The following KCNT2 variants were observed in gnomAD, a reference collection of about 807,000 sequenced individuals.
KCNT2 encodes potassium sodium-activated channel subfamily T member 2, also known as potassium channel subfamily T member 2.
KCNT2 carries 67 observed loss-of-function variants against 153.8 expected under a neutral mutation model. That is an observed-to-expected ratio of 0.44 (90% CI 0.36 to 0.53). The LOEUF is 0.53. Among genes scored for constraint, KCNT2 ranks in the 20% least tolerant of loss-of-function variants. The pLI, the probability that KCNT2 is intolerant of heterozygous loss-of-function variation, is 0.00. For synonymous variants in KCNT2, 500 were observed against 458.8 expected, an observed-to-expected ratio of 1.09 and a Z score of -1.15; for missense variants, 975 against 1,354.8, an observed-to-expected ratio of 0.72 and a Z score of 4.40.
chr1:196,497,712 G>A lies in KCNT2; in HGVS notation c.96-5371C>T, dbSNP rs74134334. ...ATTGTTATTAAAAAAAACCTATATC[G>A]AACCTATCAAGTTAATAGTATATTG... On this transcript the variant is annotated intron_variant, in intron 1 of 27. Coordinates refer to ENST00000294725, the MANE Select transcript of KCNT2 (RefSeq NM_198503.5). Among the ~76,000 whole-genome samples the A allele has an allele frequency of 3.1e-3, 477 of 151,916 alleles. 3 individuals are homozygous for A. Among genetic ancestry groups the A allele is most frequent in the African/African-American group, 0.011 (447 of 41,450 alleles).
At chr1:196,383,131 C>T (rs934811461) in intron 13 of KCNT2, among the ~76,000 whole-genome samples, 3 of 152,114 alleles carry the variant, frequency 2.0e-5, no homozygotes, top group Admixed American at 6.5e-5. Context: ...CACAGGAAGA[C>T]TCTAAACTGA....
At chr1:196,457,369 T>C (rs564068834) in intron 8 of KCNT2, among the ~76,000 whole-genome samples, 1 of 151,964 alleles carries the variant, frequency 6.6e-6, no homozygotes, top group East Asian at 1.9e-4. Context: ...ATATTATGGA[T>C]AGTAAACTGA....
chr1:196,452,018 C>A lies in KCNT2; in HGVS notation c.638+13275G>T, dbSNP rs559733864. 4.6e-5 allele frequency among the ~76,000 whole-genome samples: 7 copies of A among 151,988 alleles called. No individual in the cohort carries two copies. The South Asian group carries it at 1.2e-3, about 27-fold the overall frequency. On this transcript the variant is annotated intron_variant, in intron 8 of 27. Coordinates refer to ENST00000294725, the MANE Select transcript of KCNT2 (RefSeq NM_198503.5). ...ATCGGGTAATAGACAAGTATTCCCA[C>A]ACAGTATTTGTATTATCTGATAAAA...
At chr1:196,547,981 G>T (rs978033089) in intron 1 of KCNT2, among the ~76,000 whole-genome samples, 5 of 151,670 alleles carry the variant, frequency 3.3e-5, no homozygotes, top group Admixed American at 2.6e-4. Context: ...CACAGATTTA[G>T]CATTTCAAAG....
At chr1:196,246,832 C>A (rs1655491878) in intron 26 of KCNT2, among the ~76,000 whole-genome samples, 1 of 151,906 alleles carries the variant, frequency 6.6e-6, no homozygotes. Context: ...AAATCACCTT[C>A]TCTAACAGGA....
At chr1:196,254,397 T>C (rs905459109) in intron 26 of KCNT2, among the ~76,000 whole-genome samples, 18 of 151,552 alleles carry the variant, frequency 1.2e-4, no homozygotes, top group African/African-American at 4.3e-4. Context: ...CCAGTGCCAA[T>C]TCCTTCTGAA....
intron 1 of KCNT2, among the ~76,000 whole-genome samples, chr1:196,585,905 G>A (rs942888266): frequency 2.0e-5 from 3 of 151,990 alleles, no homozygotes; most frequent in African/African-American, 7.2e-5. Flanking sequence ...AAACATAAAT[G>A]AAACTTTTTT....
intron 7 of KCNT2, among the ~76,000 whole-genome samples, chr1:196,466,000 A>T (rs1677581847): frequency 6.6e-6 from 1 of 152,058 alleles, no homozygotes; most frequent in South Asian, 2.1e-4. Context: ...AAGTTGACTG[A>T]TTTGGATTTC....
At chr1:196,427,632 T>G in intron 10 of KCNT2, among the ~76,000 whole-genome samples, 1 of 152,096 alleles carries the variant, frequency 6.6e-6, no homozygotes, top group Non-Finnish European at 1.5e-5. Flanking sequence ...TAGGATATAT[T>G]TATACTTCAG....
chr1:196,328,252 T>G (rs944153012), intron 18 of KCNT2, among the ~76,000 whole-genome samples: 1 of 152,026 alleles, frequency 6.6e-6, no homozygotes, highest in African/African-American at 2.4e-5. Context: ...AAAAGATTAT[T>G]TAAATTACAC....
intron 1 of KCNT2, among the ~76,000 whole-genome samples, chr1:196,524,806 C>T (rs1653958929): frequency 6.6e-6 from 1 of 152,082 alleles, no homozygotes; most frequent in Non-Finnish European, 1.5e-5. Context: ...ACTTCTATTT[C>T]TAGCAACAAA....
At chr1:196,596,260 T>C (rs1425872609) in intron 1 of KCNT2, among the ~76,000 whole-genome samples, 2 of 152,034 alleles carry the variant, frequency 1.3e-5, no homozygotes, top group Non-Finnish European at 1.5e-5. Context: ...ATGGGATTGC[T>C]AGATCAAATG....
Position 196,428,257 on chromosome 1 carries a change from C to A in KCNT2, c.832G>T (p.Ala278Ser). Residue 278 changes from alanine to serine, a missense_variant, in exon 10 of 28, where the codon GCT becomes TCT. Physicochemically the swap from Ala to Ser is moderately conservative, Grantham distance 99 (BLOSUM62 1). Around this residue, in one of 6 missense-constraint regions of KCNT2, gnomAD observed 202 missense variants for 314.9 expected, o/e 0.64. Coordinates refer to ENST00000294725, the MANE Select transcript of KCNT2 (RefSeq NM_198503.5). ...VVLPIQFEQL[A>S]YLWMERQKSG... ...TTTTGTCTCTCCATCCACAAATAAG[C>A]CAGCTGTTCAAACTGTAATATATTT... The A allele has an allele frequency of 6.2e-7, 1 of 1,611,684 alleles. No homozygotes were observed. The highest frequency in any genetic ancestry group is 1.3e-5 in the African/African-American group (1 of 74,926).
intron 5 of KCNT2, among the ~76,000 whole-genome samples, chr1:196,477,441 T>A (rs530980434): frequency 2.2e-4 from 33 of 151,794 alleles, no homozygotes; most frequent in Admixed American, 1.2e-3. Flanking sequence ...ACAAAAAAAA[T>A]TAGCCAGGTG....
At chr1:196,384,803 C>T (rs1669822343) in intron 13 of KCNT2, among the ~76,000 whole-genome samples, 1 of 150,282 alleles carries the variant, frequency 6.7e-6, no homozygotes, top group Admixed American at 6.6e-5. Context: ...CAATAAAATA[C>T]ATAAAATCAT....
At position 196,423,217 on chromosome 1, in the gene KCNT2, A is replaced by C; in HGVS notation, c.1122-104T>G. 4.8e-6 allele frequency: 3 copies of C among 619,138 alleles called. No individual in the cohort carries two copies. The South Asian group carries it at 7.4e-5, about 15-fold the overall frequency. 38.4% of individuals were successfully genotyped at this position (619,138 alleles called of 1,614,324 possible). A position where few individuals can be genotyped will look rare whatever the true frequency, so the allele number is the denominator to read the frequency against. On this transcript the variant is annotated intron_variant, in intron 11 of 27. Transcript: ENST00000294725. ...AGTCCATATATTGCACAAAATGTAC[A>C]TGTAGACCATGTATATCCTTAAGCT...
rs138274286 is a variant in KCNT2, at chr1:196,239,344, A to G, written c.3212-3274T>C. ...ATTACTCATAAAAACTGAAAATAAT[A>G]TTTTTGAATATTATAAACTTTAAAA... On this transcript the variant is annotated intron_variant, in intron 26 of 27. Transcript: ENST00000294725. 3.5e-3 allele frequency among the ~76,000 whole-genome samples: 535 copies of G among 151,998 alleles called. 14 individuals carry two copies. Among genetic ancestry groups the G allele is most frequent in the Admixed American group, 0.031 (474 of 15,228 alleles).
intron 25 of KCNT2, among the ~76,000 whole-genome samples, chr1:196,272,570 G>T (rs1283247158): frequency 6.6e-6 from 1 of 151,806 alleles, no homozygotes; most frequent in African/African-American, 2.4e-5. Flanking sequence ...TGTGTTTCAT[G>T]TTAAGGAATT....
Position 196,425,865 on chromosome 1 carries a change from G to A in KCNT2, c.1108C>T (p.Leu370=). The A allele has an allele frequency of 1.2e-6, 2 of 1,612,284 alleles. No individual in the cohort carries two copies. Among genetic ancestry groups the A allele is most frequent in the Non-Finnish European group, 1.7e-6 (2 of 1,178,878 alleles). Residue 370 remains leucine, a synonymous_variant, in exon 11 of 28, where the codon CTA becomes TTA. Coordinates refer to ENST00000294725, the MANE Select transcript of KCNT2 (RefSeq NM_198503.5). ...AGGGATACCTACTTTGCTCTCAATAGGTCTTGATCTTTAAGGGCTGAACCT... is the reference window on the plus strand; with the variant it reads ...AGGGATACCTACTTTGCTCTCAATAAGTCTTGATCTTTAAGGGCTGAACCT... ...LQGSALKDQD[L]LRAKMDDAEA...
Sources: gnomAD v4.1 joint callset for allele counts (sites outside exome capture counted in the v4.1 genomes callset) on GRCh38, gnomAD v4.1.1 for gene constraint, gnomAD v4.1.1 regional missense constraint, MANE v1.5 for transcripts, NCBI Gene and HGNC (gene_info 2026-07-23, HGNC 2026-07-21) for gene names.